CYB5R4: variants seen among roughly 807,000 people sequenced by gnomAD.
CYB5R4 encodes N-terminal cytochrome b5 and cytochrome b5 oxidoreductase domain-containing protein.
In CYB5R4, 55 loss-of-function variants were observed where a neutral mutation model predicts 70.2. That is an observed-to-expected ratio of 0.78 (90% CI 0.63 to 0.98). CYB5R4 has a LOEUF of 0.98. CYB5R4 is among the 50% of genes least tolerant of loss of function. The probability of loss-of-function intolerance (pLI) is 0.00; values close to 1 mark genes in which losing one functional copy is unlikely to be tolerated. For synonymous variants in CYB5R4, 197 were observed against 199.5 expected, an observed-to-expected ratio of 0.99 and a Z score of 0.11; for missense variants, 562 against 612.6, an observed-to-expected ratio of 0.92 and a Z score of 0.87.
intron 2 of CYB5R4, among the ~76,000 whole-genome samples, chr6:83,865,326 C>T (rs1197057922): frequency 6.6e-6 from 1 of 152,004 alleles, no homozygotes; most frequent in African/African-American, 2.4e-5. Context: ...CTATGGATGC[C>T]GTAACAAAGG....
chr6:83,874,663 C>T (rs1475266644), intron 2 of CYB5R4, among the ~76,000 whole-genome samples: 1 of 151,942 alleles, frequency 6.6e-6, no homozygotes, highest in African/African-American at 2.4e-5. Flanking sequence ...CAGCTTCTTT[C>T]CTTCAGTCTC....
chr6:83,907,280 A>G (rs184287551), intron 3 of CYB5R4, among the ~76,000 whole-genome samples: 7 of 152,264 alleles, frequency 4.6e-5, no homozygotes, highest in Admixed American at 4.6e-4. Flanking sequence ...AGGCATATTG[A>G]GAAGGTGCCT....
At chr6:83,873,134 A>G (rs1390681471) in intron 2 of CYB5R4, among the ~76,000 whole-genome samples, 1 of 151,102 alleles carries the variant, frequency 6.6e-6, no homozygotes, top group Non-Finnish European at 1.5e-5. Context: ...TTTGAGTGAC[A>G]TAACATAAAT....
intron 2 of CYB5R4, among the ~76,000 whole-genome samples, chr6:83,887,336 T>G (rs1347209102): frequency 6.6e-6 from 1 of 152,210 alleles, no homozygotes; most frequent in Non-Finnish European, 1.5e-5. Context: ...TCTGTGATTT[T>G]GAAGTTTACA....
chr6:83,934,536 G>A, intron 10 of CYB5R4, 59 bp from the exon 11 acceptor site: 2 of 1,292,324 alleles, frequency 1.5e-6, no homozygotes, highest in African/African-American at 1.5e-5. Flanking sequence ...TCTCTTAGTG[G>A]TTTAGTATTA....
intron 1 of CYB5R4, among the ~76,000 whole-genome samples, chr6:83,863,764 G>A (rs2099456320): frequency 6.6e-6 from 1 of 152,104 alleles, no homozygotes; most frequent in South Asian, 2.1e-4. Flanking sequence ...ATAAAACAAT[G>A]CAATACAACA....
At chr6:83,922,957 T>A (rs1394100258) in intron 9 of CYB5R4, among the ~76,000 whole-genome samples, 2 of 151,230 alleles carry the variant, frequency 1.3e-5, no homozygotes. Context: ...ACCTGGCTAA[T>A]TTTTTTTTGT....
chr6:83,914,380 T>C (rs1397822531), intron 4 of CYB5R4, 36 bp from the exon 5 acceptor site: 1 of 1,515,084 alleles, frequency 6.6e-7, no homozygotes, highest in South Asian at 1.2e-5. Flanking sequence ...CATTAAAGTA[T>C]TCTTATTTGA....
intron 2 of CYB5R4, among the ~76,000 whole-genome samples, chr6:83,872,196 A>G (rs1217496971): frequency 1.3e-5 from 2 of 152,336 alleles, no homozygotes; most frequent in East Asian, 1.9e-4. Context: ...TTGCACATTC[A>G]GATGTATTAC....
rs375353740 is a variant in CYB5R4, at chr6:83,921,039, A to T, written c.565-43A>T. 2.8e-4 allele frequency: 384 copies of T among 1,377,652 alleles called. 2 individuals are homozygous for T. In the South Asian group the frequency reaches 4.2e-3, roughly 15 times the overall value. 85.3% of individuals were successfully genotyped at this position (1,377,652 alleles called of 1,614,324 possible). On this transcript the variant is annotated intron_variant, in intron 7 of 15. Coordinates refer to ENST00000369681, the MANE Select transcript of CYB5R4 (RefSeq NM_016230.4). ...AGTATAGTTGTAGAAGTTTGGGGGA[A>T]AATTTTACTTTCTAATCTTTCTATT...
chr6:83,904,993 T>C (rs987589104), intron 3 of CYB5R4, among the ~76,000 whole-genome samples: 1 of 152,152 alleles, frequency 6.6e-6, no homozygotes, highest in Non-Finnish European at 1.5e-5. Flanking sequence ...TATGTTGATA[T>C]TGCACATCTG....
At chr6:83,943,207 G>A (rs897579683) in intron 14 of CYB5R4, among the ~76,000 whole-genome samples, 1 of 152,142 alleles carries the variant, frequency 6.6e-6, no homozygotes, top group African/African-American at 2.4e-5. Flanking sequence ...ACCTCATACA[G>A]GAGAGCTCTG....
At chr6:83,921,445 C>G (rs953788968) in intron 8 of CYB5R4, among the ~76,000 whole-genome samples, 1 of 152,154 alleles carries the variant, frequency 6.6e-6, no homozygotes, top group South Asian at 2.1e-4. Context: ...TAAAATCTCT[C>G]GTGCCTGACA....
chr6:83,922,362 A>G lies in CYB5R4; in HGVS notation c.659-76A>G. ...ATTTGAAATAGTACATAAAAGAGCC[A>G]TTTAAATGACATATGGTGTTCAAAA... On this transcript the variant is annotated intron_variant, in intron 8 of 15. Coordinates refer to ENST00000369681, the MANE Select transcript of CYB5R4 (RefSeq NM_016230.4). The G allele has an allele frequency of 4.1e-6, 5 of 1,217,996 alleles. No individual in the cohort carries two copies. In the Admixed American group the frequency reaches 6.6e-5, roughly 16 times the overall value. 75.4% of individuals were successfully genotyped at this position (1,217,996 alleles called of 1,614,324 possible).
At chr6:83,927,260 G>A (rs1382103781) in intron 10 of CYB5R4, among the ~76,000 whole-genome samples, 1 of 152,026 alleles carries the variant, frequency 6.6e-6, no homozygotes, top group Non-Finnish European at 1.5e-5. Context: ...TAGTCTTACC[G>A]CTCCACTCAG....
intron 2 of CYB5R4, among the ~76,000 whole-genome samples, chr6:83,878,382 C>G (rs938992553): frequency 1.3e-5 from 2 of 151,564 alleles, no homozygotes; most frequent in African/African-American, 4.9e-5. Flanking sequence ...GAGTCCTGCT[C>G]TGTCACCCAG....
Position 83,924,595 on chromosome 6 carries a change from A to T in CYB5R4, c.814+3A>T. 6.2e-7 allele frequency: 1 copy of T among 1,611,610 alleles called. No individual in the cohort carries two copies. On this transcript the variant is annotated splice_donor_region_variant and intron_variant, in intron 10 of 15. Coordinates refer to ENST00000369681, the MANE Select transcript of CYB5R4 (RefSeq NM_016230.4). ...ACTTATTCCAAGGAAAGATACAGGT[A>T]TGCTGTGTTCTTTTGTTACGTTAAT...
In CYB5R4 at chr6:83,927,394, A is replaced by G. The variant is rs527691057; in HGVS notation, c.814+2802A>G. ...GGCAGACCCCACAGGTTAAGGGCTT[A>G]GTCCCACAAGACTGCCCCCTACTTC... is the stretch of plus-strand genomic sequence containing the variant. On this transcript the variant is annotated intron_variant, in intron 10 of 15. Coordinates refer to ENST00000369681, the MANE Select transcript of CYB5R4 (RefSeq NM_016230.4). Among the ~76,000 whole-genome samples the G allele has an allele frequency of 1.2e-3, 189 of 152,258 alleles. 2 individuals are homozygous for G. Among genetic ancestry groups the G allele is most frequent in the African/African-American group, 4.2e-3 (176 of 41,546 alleles).
intron 2 of CYB5R4, among the ~76,000 whole-genome samples, chr6:83,867,256 G>T (rs1162317522): frequency 1.3e-5 from 2 of 152,194 alleles, no homozygotes; most frequent in South Asian, 2.1e-4. Flanking sequence ...ATGAGGAAGT[G>T]CACTCAGGTG....
Sources: gnomAD v4.1 joint callset for allele counts (sites outside exome capture counted in the v4.1 genomes callset) on GRCh38, gnomAD v4.1.1 for gene constraint, MANE v1.5 for transcripts, NCBI Gene and HGNC (gene_info 2026-07-23, HGNC 2026-07-21) for gene names.